Variants in COL6A6 observed in about 807,000 individuals in gnomAD.
COL6A6 encodes collagen alpha-6(VI) chain.
Under a neutral mutation model 208.6 loss-of-function variants are expected in COL6A6, and 183 were observed. The ratio of observed to expected loss-of-function variants is 0.88; its 90% confidence interval spans 0.78 to 0.99. The LOEUF (loss-of-function observed/expected upper bound fraction) is 0.99. COL6A6 is among the 50% of genes least tolerant of loss of function. The pLI is 0.00. For synonymous variants in COL6A6, 973 were observed against 1,011.8 expected (o/e 0.96, Z 0.73); for missense variants, 2,816 against 2,815.2 (o/e 1.00, Z -0.01).
At chr3:130,571,434 G>A (rs1367163737) in intron 7 of COL6A6, 41 bp downstream of exon 7, 1 of 1,425,282 alleles carries the variant, frequency 7.0e-7, no homozygotes, top group Non-Finnish European at 9.4e-7. Context: ...TATTAGCAGA[G>A]GGACAAATGA....
intron 11 of COL6A6, among the ~76,000 whole-genome samples, chr3:130,588,343 A>C: frequency 6.6e-6 from 1 of 152,264 alleles, no homozygotes; most frequent in Admixed American, 6.5e-5. Context: ...ATCTGAAAAT[A>C]GAATTTTTCT....
intron 24 of COL6A6, among the ~76,000 whole-genome samples, chr3:130,625,982 G>A (rs1274792307): frequency 1.3e-5 from 2 of 152,076 alleles, no homozygotes; most frequent in Non-Finnish European, 2.9e-5. Flanking sequence ...CTGTAAACCT[G>A]TGTTGATTTC....
At chr3:130,607,360 G>C (rs992925382) in intron 21 of COL6A6, among the ~76,000 whole-genome samples, 2 of 152,112 alleles carry the variant, frequency 1.3e-5, no homozygotes, top group African/African-American at 4.8e-5. Flanking sequence ...TGGATATTCT[G>C]AGTATTTTGT....
Position 130,661,711 on chromosome 3 carries a change from C to T in COL6A6, c.5905C>T (p.Leu1969Phe), listed in dbSNP as rs1209874989. 3 of 1,613,948 alleles carry T rather than the reference C, an allele frequency of 1.9e-6. No homozygotes were observed. In the Admixed American group the frequency reaches 5.0e-5, roughly 27 times the overall value. ...PVQSYMDAAFLLDASRNMGSA... is the reference protein window; with the variant it reads ...PVQSYMDAAFFLDASRNMGSA... Reference sequence around the variant, plus strand: ...GCAGTCTTACATGGATGCTGCTTTCCTTCTGGATGCCTCCCGGAACATGGG... The same window carrying T: ...GCAGTCTTACATGGATGCTGCTTTCTTTCTGGATGCCTCCCGGAACATGGG... Residue 1969 changes from leucine (L) to phenylalanine (F), a missense_variant, in exon 35 of 37, where the codon CTT becomes TTT. Coordinates refer to ENST00000358511, the MANE Select transcript of COL6A6 (RefSeq NM_001102608.3).
chr3:130,649,851 C>T (rs1268416725), intron 33 of COL6A6, among the ~76,000 whole-genome samples: 1 of 152,176 alleles, frequency 6.6e-6, no homozygotes, highest in Non-Finnish European at 1.5e-5. Context: ...TTTCACGGTT[C>T]CCACAGCTAA....
chr3:130,601,846 G>A (rs551743818), intron 20 of COL6A6, among the ~76,000 whole-genome samples: 89 of 152,278 alleles, frequency 5.8e-4, no homozygotes, highest in African/African-American at 1.9e-3. Context: ...GACAAATGCC[G>A]GCCAACTGTT....
intron 23 of COL6A6, among the ~76,000 whole-genome samples, chr3:130,620,149 T>C (rs2108264403): frequency 6.6e-6 from 1 of 152,236 alleles, no homozygotes; most frequent in Admixed American, 6.5e-5. Context: ...CTTGCTGTGT[T>C]ACTCAGCCTT....
At chr3:130,598,253 A>G in intron 18 of COL6A6, 112 bp from the exon 19 acceptor site, 1 of 663,528 alleles carries the variant, frequency 1.5e-6, no homozygotes, top group Non-Finnish European at 2.6e-6. Context: ...CTGCTTTCAA[A>G]TGGGTTGGAA....
chr3:130,581,706 G>A lies in COL6A6; in HGVS notation c.3693G>A (p.Val1231=). ...CCCTCAATGGAGTAAGCTGTGAGGT[G>A]GGCACAGAGACTCAGGTCAGTGTGG... ...ISSLNGVSCE[V]GTETQVSVAF... is the part of the protein sequence containing the mutation. The change falls in exon 9 of 37, where the codon GTG becomes GTA. Residue 1231 remains valine, a synonymous_variant. Coordinates refer to ENST00000358511, the MANE Select transcript of COL6A6 (RefSeq NM_001102608.3). 1 of 1,613,898 alleles carries A rather than the reference G, an allele frequency of 6.2e-7. No individual in the cohort carries two copies. The highest frequency in any genetic ancestry group is 1.7e-5 in the Admixed American group (1 of 60,014).
At chr3:130,575,972 C>T (rs1197650976) in intron 8 of COL6A6, among the ~76,000 whole-genome samples, 1 of 152,102 alleles carries the variant, frequency 6.6e-6, no homozygotes, top group African/African-American at 2.4e-5. Context: ...TGGGCATCTG[C>T]TGATGCCTCC....
chr3:130,569,182 A>G (rs1644530327), intron 6 of COL6A6, among the ~76,000 whole-genome samples: 4 of 152,332 alleles, frequency 2.6e-5, no homozygotes, highest in South Asian at 4.1e-4. Context: ...CACATCTACT[A>G]TATATGGTGC....
Position 130,581,672 on chromosome 3 carries a change from C to A in COL6A6, c.3659C>A (p.Ala1220Asp), listed in dbSNP as rs1257358201. The A allele has an allele frequency of 1.2e-6, 2 of 1,613,796 alleles. No homozygotes were observed. Among genetic ancestry groups the A allele is most frequent in the African/African-American group, 1.3e-5 (1 of 74,912 alleles). ...METYLQDILR[A>D]ISSLNGVSCE... Reference sequence around the variant, plus strand: ...ACCTACCTTCAAGACATCTTACGTGCCATCAGCTCCCTCAATGGAGTAAGC... The same window carrying A: ...ACCTACCTTCAAGACATCTTACGTGACATCAGCTCCCTCAATGGAGTAAGC... Residue 1220 changes from alanine (A) to aspartate (D), a missense_variant, in exon 9 of 37, where the codon GCC (alanine) becomes GAC (aspartate). By Grantham distance (126) the Ala-to-Asp change is moderately radical (BLOSUM62 -2). Transcript: ENST00000358511.
chr3:130,653,951 A>C (rs1357449557), intron 33 of COL6A6, among the ~76,000 whole-genome samples: 1 of 152,214 alleles, frequency 6.6e-6, no homozygotes, highest in Non-Finnish European at 1.5e-5. Context: ...TACGTGATTA[A>C]ATGTGAGCCT....
At chr3:130,670,203 G>C (rs1390584784) in intron 36 of COL6A6, among the ~76,000 whole-genome samples, 2 of 152,208 alleles carry the variant, frequency 1.3e-5, no homozygotes, top group African/African-American at 4.8e-5. Context: ...CCGTGCTGCA[G>C]GTGTCTGGCA....
rs769503617 is a variant in COL6A6 at position 130,568,205 on chromosome 3, G to A, written c.2002G>A (p.Asp668Asn). The A allele has an allele frequency of 4.3e-5, 69 of 1,613,828 alleles. No individual in the cohort carries two copies. The Admixed American group carries it at 8.5e-4, about 20-fold the overall frequency. The change falls in exon 6 of 37, where the codon GAC (aspartate) becomes AAC (asparagine). Residue 668 changes from aspartate to asparagine, a missense_variant. Asp to Asn is a conservative substitution (Grantham distance 23). Transcript: ENST00000358511. ...GCAAATTGGTGTAGTCCAGTTCAGC[G>A]ACATCAATAAGGAAGAGTTTCAGCT... ...RVQIGVVQFS[D>N]INKEEFQLNR... is the part of the protein sequence containing the mutation.
At chr3:130,569,620 A>G (rs2063111348) in intron 6 of COL6A6, among the ~76,000 whole-genome samples, 1 of 152,232 alleles carries the variant, frequency 6.6e-6, no homozygotes, top group South Asian at 2.1e-4. Context: ...GTAGAAAAAG[A>G]GTACACCTGG....
chr3:130,655,068 T>C (rs560102666), intron 33 of COL6A6, among the ~76,000 whole-genome samples: 4 of 152,278 alleles, frequency 2.6e-5, no homozygotes, highest in African/African-American at 9.6e-5. Flanking sequence ...ACAGTAGTGA[T>C]GTTATCTGTA....
intron 13 of COL6A6, among the ~76,000 whole-genome samples, chr3:130,591,565 A>G (rs2063716797): frequency 6.6e-6 from 1 of 152,220 alleles, no homozygotes; most frequent in Admixed American, 6.5e-5. Context: ...ATACTCATTC[A>G]TTGGTTCATT....
At chr3:130,522,333 G>T (rs993314220) in intron 1 of COL6A6, among the ~76,000 whole-genome samples, 2 of 152,190 alleles carry the variant, frequency 1.3e-5, no homozygotes, top group Admixed American at 1.3e-4. Context: ...TATCAGTGAA[G>T]ATTTGGTGTG....
Sources: allele counts gnomAD v4.1 joint callset (sites outside exome capture counted in the v4.1 genomes callset), GRCh38; gene constraint gnomAD v4.1.1; transcripts MANE v1.5; gene names NCBI Gene and HGNC (gene_info 2026-07-23, HGNC 2026-07-21).